The following TEKT5 variants were observed in gnomAD, a reference collection of about 807,000 sequenced individuals.
TEKT5 encodes tektin-5.
In TEKT5, 52 loss-of-function variants were observed where a neutral mutation model predicts 48.7. The ratio of observed to expected loss-of-function variants is 1.07; its 90% CI spans 0.86 to 1.35. The LOEUF is 1.35. Among genes scored for constraint, TEKT5 ranks in the 40% most tolerant of loss-of-function variants. The pLI, the probability that TEKT5 is intolerant of heterozygous loss-of-function variation, is 0.00. For missense variants in TEKT5, 831 were observed against 641.6 expected (o/e 1.30, Z -3.19); for synonymous variants, 318 against 267.6 (o/e 1.19, Z -1.84).
intron 5 of TEKT5, among the ~76,000 whole-genome samples, chr16:10,636,445 G>A (rs1424029161): frequency 3.3e-5 from 5 of 152,024 alleles, no homozygotes; most frequent in Non-Finnish European, 7.4e-5. Context: ...GGGCACTGTG[G>A]ACATGGAAGA....
At chr16:10,650,988 G>A (rs1898147445) in intron 5 of TEKT5, among the ~76,000 whole-genome samples, 1 of 152,192 alleles carries the variant, frequency 6.6e-6, no homozygotes, top group South Asian at 2.1e-4. Context: ...TGAGGAATGG[G>A]ACTCCCAATG....
rs181788694 is a variant in TEKT5, at chr16:10,627,685, G to A, written c.1356C>T (p.His452=). The change falls in exon 7 of 7, where the codon CAC becomes CAT. Residue 452 remains histidine (H), a synonymous_variant. Transcript: ENST00000283025. ...GGGTGTTGGCCTTGATGGCGAGCTC[G>A]TGCTCCAGCCGGCACTTGGTCATGA... ...LLVMTKCRLE[H]ELAIKANTLC... is the part of the protein sequence containing the mutation. 17 of 1,614,194 alleles carry A rather than the reference G, an allele frequency of 1.1e-5. No individual in the cohort carries two copies. The highest frequency in any genetic ancestry group is 1.6e-4 in the Middle Eastern group (1 of 6,062).
intron 4 of TEKT5, among the ~76,000 whole-genome samples, chr16:10,677,871 T>C (rs115813642): frequency 0.017 from 2,633 of 152,136 alleles, 73 homozygotes; most frequent in African/African-American, 0.059. Context: ...CTGCAGAGGA[T>C]AGTCGGCCAT....
intron 5 of TEKT5, among the ~76,000 whole-genome samples, chr16:10,654,068 TGA>T (rs1248199063): frequency 6.6e-6 from 1 of 152,086 alleles, no homozygotes; most frequent in African/African-American, 2.4e-5. Flanking sequence ...ATCATTTTTT[TGA>T]GAGAGGTTCT....
At chr16:10,640,527 T>G (rs1362831621) in intron 5 of TEKT5, among the ~76,000 whole-genome samples, 1 of 152,220 alleles carries the variant, frequency 6.6e-6, no homozygotes, top group Non-Finnish European at 1.5e-5. Flanking sequence ...GAGGTTTGAC[T>G]TATGTATATA....
intron 5 of TEKT5, among the ~76,000 whole-genome samples, chr16:10,660,693 G>A (rs1898353357): frequency 8.7e-6 from 1 of 115,082 alleles, no homozygotes; most frequent in South Asian, 2.7e-4. Flanking sequence ...GTGTGTGTGT[G>A]TGTGTGTGTG....
chr16:10,637,687 A>G (rs368859887), intron 5 of TEKT5, among the ~76,000 whole-genome samples: 9 of 152,394 alleles, frequency 5.9e-5, no homozygotes, highest in African/African-American at 2.2e-4. Context: ...TTCAAAATCC[A>G]TCAAGCTGTA....
intron 5 of TEKT5, among the ~76,000 whole-genome samples, chr16:10,660,108 A>G (rs369799309): frequency 1.3e-5 from 2 of 152,186 alleles, no homozygotes; most frequent in African/African-American, 4.8e-5. Flanking sequence ...CAACGTGATG[A>G]GGTCACAGCT....
At chr16:10,635,674 C>A in intron 6 of TEKT5, 90 bp downstream of exon 6, 4 of 1,531,198 alleles carry the variant, frequency 2.6e-6, no homozygotes, top group Non-Finnish European at 3.5e-6. Context: ...ATTTTTCAGA[C>A]CCAGTGCACC....
At chr16:10,659,739 A>G (rs1898329831) in intron 5 of TEKT5, among the ~76,000 whole-genome samples, 1 of 152,166 alleles carries the variant, frequency 6.6e-6, no homozygotes. Context: ...AAATAAGAAA[A>G]CCATGAAAGG....
intron 5 of TEKT5, among the ~76,000 whole-genome samples, chr16:10,636,613 G>T (rs1017161098): frequency 4.6e-5 from 7 of 151,520 alleles, no homozygotes; most frequent in African/African-American, 1.7e-4. Flanking sequence ...GACAGAGACT[G>T]TTAATCTGAA....
At position 10,689,233 on chromosome 16, in the gene TEKT5, A is replaced by G; in HGVS notation, c.719+20T>C. The G allele has an allele frequency of 1.8e-6, 2 of 1,107,850 alleles. No individual in the cohort carries two copies. The highest frequency in any genetic ancestry group is 6.7e-5 in the East Asian group (2 of 30,026). 68.6% of individuals were successfully genotyped at this position (1,107,850 alleles called of 1,614,324 possible). ...AACAAACCCCAAGGAGAGGGAATTAAAAAAAAAAAAAGCCCTTACCGCATC... is the reference window on the plus strand; with the variant it reads ...AACAAACCCCAAGGAGAGGGAATTAGAAAAAAAAAAAGCCCTTACCGCATC... On this transcript the variant is annotated intron_variant, in intron 3 of 6. Coordinates refer to ENST00000283025, the MANE Select transcript of TEKT5 (RefSeq NM_144674.2).
At position 10,694,541 on chromosome 16, in the gene TEKT5, C is replaced by T. The variant is rs1335297998; in HGVS notation, c.333G>A (p.Trp111Ter). 1.9e-6 allele frequency: 3 copies of T among 1,606,706 alleles called. No individual in the cohort carries two copies. Among genetic ancestry groups the T allele is most frequent in the Non-Finnish European group, 2.6e-6 (3 of 1,176,220 alleles). ...QVRGAEASRLWASRLTDDSMR... is the reference protein window; with the variant it reads ...QVRGAEASRL ...TGGAGTCATCCGTCAGCCGGCTGGC[C>T]CACAGCCGGGAGGCCTCGGCCCCAC... The change falls in exon 1 of 7, where the codon TGG (tryptophan) becomes TGA (stop). Residue 111 changes from tryptophan (W) to a stop codon, truncating the protein, a stop_gained. Transcript: ENST00000283025. LOFTEE classifies it high-confidence loss of function.
At chr16:10,657,405 G>A (rs1898279921) in intron 5 of TEKT5, among the ~76,000 whole-genome samples, 1 of 152,092 alleles carries the variant, frequency 6.6e-6, no homozygotes, top group Non-Finnish European at 1.5e-5. Flanking sequence ...TAGGATTACA[G>A]GCATGAGCCA....
chr16:10,635,059 G>A (rs1484578426), intron 6 of TEKT5, among the ~76,000 whole-genome samples: 3 of 152,130 alleles, frequency 2.0e-5, no homozygotes, highest in East Asian at 3.8e-4. Flanking sequence ...CCTAGCATGG[G>A]GAGAACAGAG....
At chr16:10,679,481 G>A (rs1898707188) in intron 4 of TEKT5, among the ~76,000 whole-genome samples, 1 of 150,996 alleles carries the variant, frequency 6.6e-6, no homozygotes, top group Admixed American at 6.6e-5. Context: ...GGTGTCTACT[G>A]CCATCATCAT....
intron 5 of TEKT5, among the ~76,000 whole-genome samples, chr16:10,666,811 G>A (rs1445732690): frequency 3.3e-5 from 5 of 152,154 alleles, no homozygotes; most frequent in Non-Finnish European, 7.4e-5. Context: ...ACATACGGCT[G>A]TTTCCTTATT....
chr16:10,660,707 T>TGTG (rs1898354984), intron 5 of TEKT5, among the ~76,000 whole-genome samples: 1 of 143,386 alleles, frequency 7.0e-6, no homozygotes, highest in African/African-American at 2.9e-5. Context: ...GTGTGTGTTA[T>TGTG]TTATTTATTT....
chr16:10,632,094 G>T (rs553486484), intron 6 of TEKT5, among the ~76,000 whole-genome samples: 1 of 152,172 alleles, frequency 6.6e-6, no homozygotes, highest in Non-Finnish European at 1.5e-5. Flanking sequence ...GCCTGGGCTA[G>T]AGAGAAGCAA....
Sources: gnomAD v4.1 joint callset for allele counts (sites outside exome capture counted in the v4.1 genomes callset) on GRCh38, gnomAD v4.1.1 for gene constraint, MANE v1.5 for transcripts, NCBI Gene and HGNC (gene_info 2026-07-23, HGNC 2026-07-21) for gene names.